The following CSMD1 variants were observed in gnomAD, a reference collection of about 807,000 sequenced individuals.
The protein encoded by CSMD1 is CUB and Sushi multiple domains 1, also known as CUB and sushi domain-containing protein 1.
Under a neutral mutation model 417.5 loss-of-function variants are expected in CSMD1, and 213 were observed. The observed-to-expected ratio is 0.51, with a 90% CI of 0.46 to 0.57. The LOEUF (loss-of-function observed/expected upper bound fraction) is 0.57, where lower values mean the gene tolerates loss of function less well. Ranked by LOEUF, CSMD1 falls within the 20% of genes least tolerant of loss-of-function variation. CSMD1 has a pLI of 0.00. For missense variants in CSMD1, 6,923 were observed against 4,529.7 expected (o/e 1.53, Z -15.17); for synonymous variants, 2,862 against 1,736.8 (o/e 1.65, Z -16.11).
chr8:4,383,496 T>C (rs1262204763), intron 3 of CSMD1, among the ~76,000 whole-genome samples: 1 of 152,184 alleles, frequency 6.6e-6, no homozygotes, highest in Non-Finnish European at 1.5e-5. Context: ...TCTGTAATTT[T>C]ATTCCAGGAC....
intron 2 of CSMD1, among the ~76,000 whole-genome samples, chr8:4,572,763 A>G (rs1200676599): frequency 6.6e-6 from 1 of 152,160 alleles, no homozygotes; most frequent in Non-Finnish European, 1.5e-5. Flanking sequence ...TCAATCAATC[A>G]TAGATTTGGT....
chr8:3,433,795 T>C (rs1469780490), intron 12 of CSMD1, among the ~76,000 whole-genome samples: 1 of 152,196 alleles, frequency 6.6e-6, no homozygotes, highest in Non-Finnish European at 1.5e-5. Flanking sequence ...GATTCACCAG[T>C]GCACAGTTCT....
At chr8:2,973,735 A>G (rs2128934013) in intron 56 of CSMD1, among the ~76,000 whole-genome samples, 1 of 152,216 alleles carries the variant, frequency 6.6e-6, no homozygotes, top group East Asian at 1.9e-4. Flanking sequence ...GGTTCGCTGA[A>G]TTTTGGTTGT....
chr8:4,111,168 T>C (rs1315324154), intron 3 of CSMD1, among the ~76,000 whole-genome samples: 1 of 152,174 alleles, frequency 6.6e-6, no homozygotes, highest in Non-Finnish European at 1.5e-5. Context: ...ACAGAAAAGT[T>C]TCCCTGTTCC....
chr8:3,900,453 A>G (rs182491564), intron 5 of CSMD1, among the ~76,000 whole-genome samples: 6 of 136,054 alleles, frequency 4.4e-5, no homozygotes, highest in East Asian at 2.3e-4. Flanking sequence ...ACAGCTGCAT[A>G]ACAGTGCAGC....
intron 4 of CSMD1, among the ~76,000 whole-genome samples, chr8:4,003,926 ATTT>A (rs916261829): frequency 7.2e-6 from 1 of 138,362 alleles, no homozygotes; most frequent in Non-Finnish European, 1.6e-5. Context: ...AATGTTTTTC[ATTT>A]TTTTAGAAAA....
intron 5 of CSMD1, among the ~76,000 whole-genome samples, chr8:3,754,775 G>C (rs1255826317): frequency 6.6e-6 from 1 of 152,110 alleles, no homozygotes; most frequent in Non-Finnish European, 1.5e-5. Flanking sequence ...CGAATTCTAT[G>C]TAACCTGAAG....
chr8:3,365,129 G>C (rs1382358311), intron 20 of CSMD1, among the ~76,000 whole-genome samples: 1 of 152,110 alleles, frequency 6.6e-6, no homozygotes, highest in Non-Finnish European at 1.5e-5. Context: ...AGGGGAGAAT[G>C]CAGAGAGAGA....
At chr8:3,731,101 G>A (rs139201967) in intron 6 of CSMD1, among the ~76,000 whole-genome samples, 1 of 152,014 alleles carries the variant, frequency 6.6e-6, no homozygotes, top group African/African-American at 2.4e-5. Context: ...CAAGTTTATT[G>A]TCGAGCACAC....
At position 4,022,242 on chromosome 8, in the gene CSMD1, G is replaced by C. The variant is rs116722650; in HGVS notation, c.610+9663C>G. Reference sequence around the variant, plus strand: ...TGGTAATAAAGGTGCTGACTATTTTGGTCTATGCCTCACTATTCATTTGCT... The same window carrying C: ...TGGTAATAAAGGTGCTGACTATTTTCGTCTATGCCTCACTATTCATTTGCT... On this transcript the variant is annotated intron_variant, in intron 4 of 69. Transcript: ENST00000635120. 7.4e-3 allele frequency among the ~76,000 whole-genome samples: 1,099 copies of C among 149,014 alleles called. 20 individuals carry two copies. The highest frequency in any genetic ancestry group is 0.025 in the African/African-American group (1,007 of 40,184).
At chr8:3,465,370 A>T (rs569190905) in intron 12 of CSMD1, among the ~76,000 whole-genome samples, 6 of 152,294 alleles carry the variant, frequency 3.9e-5, no homozygotes, top group African/African-American at 1.4e-4. Context: ...GACAGCACAA[A>T]TGGAGAAATC....
intron 10 of CSMD1, among the ~76,000 whole-genome samples, chr8:3,500,121 C>G (rs1796536360): frequency 6.6e-6 from 1 of 152,124 alleles, no homozygotes; most frequent in African/African-American, 2.4e-5. Flanking sequence ...CGGATCCTAC[C>G]TGCGCACTTC....
chr8:3,794,714 A>G (rs1383885409), intron 5 of CSMD1, among the ~76,000 whole-genome samples: 1 of 152,070 alleles, frequency 6.6e-6, no homozygotes, highest in Non-Finnish European at 1.5e-5. Flanking sequence ...AAACCTAGCA[A>G]AACTCCTCCG....
chr8:4,081,504 C>G (rs1049080424), intron 3 of CSMD1, among the ~76,000 whole-genome samples: 3 of 152,162 alleles, frequency 2.0e-5, no homozygotes, highest in Non-Finnish European at 2.9e-5. Context: ...GCTCACATGA[C>G]AAGGAACTGG....
chr8:4,352,815 G>C (rs949876893), intron 3 of CSMD1, among the ~76,000 whole-genome samples: 3 of 152,208 alleles, frequency 2.0e-5, no homozygotes, highest in Non-Finnish European at 2.9e-5. Flanking sequence ...TCCATTTCAA[G>C]ATGGTTCAAA....
At chr8:4,757,879 A>T (rs1213299969) in intron 1 of CSMD1, among the ~76,000 whole-genome samples, 1 of 151,174 alleles carries the variant, frequency 6.6e-6, no homozygotes, top group Non-Finnish European at 1.5e-5. Flanking sequence ...GAATCGCTTG[A>T]ACCTGGGAGG....
intron 10 of CSMD1, among the ~76,000 whole-genome samples, chr8:3,555,806 T>C (rs577428287): frequency 6.6e-6 from 1 of 152,170 alleles, no homozygotes; most frequent in Admixed American, 6.5e-5. Context: ...GACAGTTGTA[T>C]GGTTATAGAC....
chr8:4,509,107 A>C (rs991480694), intron 2 of CSMD1, among the ~76,000 whole-genome samples: 1 of 152,180 alleles, frequency 6.6e-6, no homozygotes, highest in Non-Finnish European at 1.5e-5. Context: ...AAAAGAAAAT[A>C]CTTGGAATGA....
At chr8:3,781,700 G>A (rs1299600800) in intron 5 of CSMD1, among the ~76,000 whole-genome samples, 1 of 152,190 alleles carries the variant, frequency 6.6e-6, no homozygotes, top group Non-Finnish European at 1.5e-5. Flanking sequence ...AGCCTACGGA[G>A]GTTCTAGGGT....
Sources: gnomAD v4.1 joint callset for allele counts (sites outside exome capture counted in the v4.1 genomes callset) on GRCh38, gnomAD v4.1.1 for gene constraint, MANE v1.5 for transcripts, NCBI Gene and HGNC (gene_info 2026-07-23, HGNC 2026-07-21) for gene names.